The following SYCP2 variants were observed in gnomAD, a reference collection of about 807,000 sequenced individuals.
SYCP2 encodes the protein synaptonemal complex protein 2, also known as synaptonemal complex lateral element protein.
SYCP2 carries 55 observed loss-of-function variants against 211.3 expected under a neutral mutation model. The observed-to-expected ratio is 0.26, with a 90% CI of 0.21 to 0.33. SYCP2 has a LOEUF of 0.33. SYCP2 is among the 10% of genes least tolerant of loss of function. The pLI, the probability that SYCP2 is intolerant of heterozygous loss-of-function variation, is 1.00. For synonymous variants in SYCP2, 570 were observed against 555.2 expected (o/e 1.03, Z -0.37); for missense variants, 1,731 against 1,752.0 (o/e 0.99, Z 0.21).
At chr20:59,913,187 G>T (rs192077292) in intron 12 of SYCP2, among the ~76,000 whole-genome samples, 82 of 147,478 alleles carry the variant, frequency 5.6e-4, no homozygotes, top group African/African-American at 1.9e-3. Context: ...ATTTTACATA[G>T]TTAGCATATT....
chr20:59,931,868 A>G (rs775993052), intron 2 of SYCP2, among the ~76,000 whole-genome samples, 194 bp downstream of exon 2: 1 of 152,212 alleles, frequency 6.6e-6, no homozygotes, highest in Non-Finnish European at 1.5e-5. Flanking sequence ...AGCACTATCC[A>G]CAACATCAAA....
At chr20:59,876,116 T>C (rs1438600139) in intron 33 of SYCP2, among the ~76,000 whole-genome samples, 1 of 151,936 alleles carries the variant, frequency 6.6e-6, no homozygotes, top group Non-Finnish European at 1.5e-5. Context: ...CTCATGCCTG[T>C]AATCCCAGCA....
intron 26 of SYCP2, among the ~76,000 whole-genome samples, chr20:59,882,501 T>C (rs1011267990): frequency 2.0e-5 from 3 of 152,284 alleles, no homozygotes; most frequent in Middle Eastern, 3.4e-3. Context: ...TGCACACCCA[T>C]GGTTACTGCA....
intron 31 of SYCP2, among the ~76,000 whole-genome samples, chr20:59,880,077 A>G (rs2059646518): frequency 6.6e-6 from 1 of 151,224 alleles, no homozygotes; most frequent in Non-Finnish European, 1.5e-5. Context: ...ATCATGAGCC[A>G]AGGATAATGA....
intron 15 of SYCP2, among the ~76,000 whole-genome samples, chr20:59,902,428 T>C (rs368484980): frequency 5.9e-5 from 9 of 152,180 alleles, no homozygotes; most frequent in East Asian, 1.9e-4. Context: ...CCCTAATAAA[T>C]GCACCTGTAT....
intron 24 of SYCP2, among the ~76,000 whole-genome samples, chr20:59,889,502 TTTATA>T (rs1247307723): frequency 6.6e-6 from 1 of 151,992 alleles, no homozygotes; most frequent in African/African-American, 2.4e-5. Context: ...GTCTCCTGAT[TTTATA>T]TTTACTTTTC....
intron 14 of SYCP2, among the ~76,000 whole-genome samples, chr20:59,910,203 G>A (rs2060289574): frequency 6.6e-6 from 1 of 151,938 alleles, no homozygotes; most frequent in Non-Finnish European, 1.5e-5. Flanking sequence ...AGAATAAAGG[G>A]ATAACATACT....
chr20:59,873,822 T>A (rs960230573), intron 35 of SYCP2, 34 bp downstream of exon 35: 1 of 1,518,950 alleles, frequency 6.6e-7, no homozygotes, highest in Non-Finnish European at 8.9e-7. Flanking sequence ...TTCAGATATA[T>A]CTGATAAAGA....
At chr20:59,925,284 T>C (rs934676486) in intron 2 of SYCP2, among the ~76,000 whole-genome samples, 3 of 151,972 alleles carry the variant, frequency 2.0e-5, no homozygotes, top group Admixed American at 6.6e-5. Flanking sequence ...TACAGGTTGA[T>C]AGGTGCAGCA....
At position 59,911,179 on chromosome 20, in the gene SYCP2, G is replaced by C. The variant is rs368545284; in HGVS notation, c.972+571C>G. 8.5e-5 allele frequency among the ~76,000 whole-genome samples: 13 copies of C among 152,268 alleles called. No individual in the cohort carries two copies. The East Asian group carries it at 1.5e-3, about 18-fold the overall frequency. On this transcript the variant is annotated intron_variant, in intron 14 of 44. Transcript: ENST00000357552. ...ATGTATGCAAATGTATCAAATACGA[G>C]GTGGTAGCTATTATGAAATAATGGC...
In SYCP2 at chr20:59,892,032, C is replaced by A; in HGVS notation, c.2322G>T (p.Leu774Phe). ...AATCCCAGGAATTAAGCTCAGAAGT[C>A]AATTCTTTCTCTGCTTTTCTATGAC... is the stretch of plus-strand genomic sequence containing the variant. ...VQSHRKAEKE[L>F]TSELNSWDSK... The change falls in exon 24 of 45, where the codon TTG becomes TTT. Residue 774 changes from leucine to phenylalanine, a missense_variant. By Grantham distance (22) the Leu-to-Phe change is conservative (BLOSUM62 0). Coordinates refer to ENST00000357552, the MANE Select transcript of SYCP2 (RefSeq NM_014258.4). The A allele has an allele frequency of 1.2e-6, 2 of 1,604,668 alleles. No individual in the cohort carries two copies. Among genetic ancestry groups the A allele is most frequent in the South Asian group, 2.3e-5 (2 of 88,568 alleles).
chr20:59,879,822 A>T (rs6027164), intron 31 of SYCP2, among the ~76,000 whole-genome samples: 1,005 of 50,852 alleles, frequency 0.02, 7 homozygotes, highest in African/African-American at 0.15. Flanking sequence ...AATATAAATA[A>T]ATATATATAT....
intron 1 of SYCP2, among the ~76,000 whole-genome samples, chr20:59,932,794 A>G (rs1027509822): frequency 1.1e-4 from 16 of 152,244 alleles, no homozygotes; most frequent in African/African-American, 3.6e-4. Context: ...CCGCCGCGGG[A>G]CGCATCAGGC....
At chr20:59,885,199 G>A (rs546550955) in intron 26 of SYCP2, 71 of 152,162 alleles carry the variant, frequency 4.7e-4, no homozygotes, top group African/African-American at 1.6e-3. Context: ...GCCAGTCTAT[G>A]TTTCCATTTA....
chr20:59,881,576 G>A (rs2059681891), intron 28 of SYCP2, 84 bp from the exon 29 acceptor site: 1 of 676,562 alleles, frequency 1.5e-6, no homozygotes. Flanking sequence ...ATCTAGTTTT[G>A]CTTCACAAAA....
intron 24 of SYCP2, among the ~76,000 whole-genome samples, chr20:59,888,113 C>T (rs1333274488): frequency 1.3e-5 from 2 of 152,070 alleles, no homozygotes; most frequent in Non-Finnish European, 2.9e-5. Context: ...TCTCCACAAT[C>T]TTCTACAAGA....
At chr20:59,881,671 T>C (rs1208807023) in intron 28 of SYCP2, among the ~76,000 whole-genome samples, 179 bp from the exon 29 acceptor site, 1 of 151,290 alleles carries the variant, frequency 6.6e-6, no homozygotes, top group Non-Finnish European at 1.5e-5. Flanking sequence ...GAATAGTTTT[T>C]TTTTTCATCA....
chr20:59,895,526 A>G lies in SYCP2; in HGVS notation c.1576T>C (p.Ser526Pro). 4 of 1,612,322 alleles carry G rather than the reference A, an allele frequency of 2.5e-6. No homozygotes were observed. In the South Asian group the frequency reaches 3.3e-5, roughly 13 times the overall value. ...TCCACTCTATTTTCTGATGTTTGAGAAACACTAGGTTTCTCTGCAGAGCTC... is the reference window on the plus strand; with the variant it reads ...TCCACTCTATTTTCTGATGTTTGAGGAACACTAGGTTTCTCTGCAGAGCTC... ...MTSSAEKPSV[S>P]QTSENRVDNA... The change falls in exon 20 of 45, where the codon TCT (serine) becomes CCT (proline). Residue 526 changes from serine (S) to proline (P), a missense_variant. Coordinates refer to ENST00000357552, the MANE Select transcript of SYCP2 (RefSeq NM_014258.4).
chr20:59,919,267 T>G (rs1408521065), intron 6 of SYCP2, 85 bp from the exon 7 acceptor site: 7 of 754,692 alleles, frequency 9.3e-6, no homozygotes, highest in Non-Finnish European at 1.3e-5. Flanking sequence ...CAAATGGTAT[T>G]GAAATGACAG....
Sources: allele counts gnomAD v4.1 joint callset (sites outside exome capture counted in the v4.1 genomes callset), GRCh38; gene constraint gnomAD v4.1.1; transcripts MANE v1.5; gene names NCBI Gene and HGNC (gene_info 2026-07-23, HGNC 2026-07-21).